The following SLA2 variants were observed in gnomAD, a reference collection of about 807,000 sequenced individuals.
The protein encoded by SLA2 is src-like-adapter 2.
A neutral mutation model predicts 27.3 loss-of-function variants in SLA2; 22 were observed. That is an observed-to-expected ratio of 0.81 (90% CI 0.58 to 1.15). The LOEUF (loss-of-function observed/expected upper bound fraction) is 1.15, where lower values mean the gene tolerates loss of function less well. SLA2 is among the 50% of genes most tolerant of loss of function. The pLI, the probability that SLA2 is intolerant of heterozygous loss-of-function variation, is 0.00. For missense variants in SLA2, 304 were observed against 322.2 expected, an observed-to-expected ratio of 0.94 and a Z score of 0.43; for synonymous variants, 131 against 137.8, an observed-to-expected ratio of 0.95 and a Z score of 0.34.
rs143688648 is a variant in SLA2, at chr20:36,621,170, A to G, written c.383-5796T>C. 3.3e-5 allele frequency: 15 copies of G among 452,734 alleles called. No homozygotes were observed. The East Asian group carries it at 7.4e-4, about 22-fold the overall frequency. The allele number at this position is 452,734 out of a possible 1,614,324, so 28.0% of individuals were successfully genotyped here. ...GGCTGCTGTGGTGGTGGAGCAAGAT[A>G]TGAAAACCAAGGTGGTGGATATGGT... On this transcript the variant is annotated intron_variant, in intron 5 of 7. Coordinates refer to ENST00000262866, the MANE Select transcript of SLA2 (RefSeq NM_032214.4).
Position 36,613,296 on chromosome 20 carries a change from C to T in SLA2, c.*570G>A, listed in dbSNP as rs1317275974. ...GACCTAGACTGTCCGAAGTCTTTCT[C>T]TTTGCTCTGGAGGTCACATAGAGCC... is the stretch of plus-strand genomic sequence containing the variant. On this transcript the variant is annotated 3_prime_UTR_variant, in exon 8 of 8. Coordinates refer to ENST00000262866, the MANE Select transcript of SLA2 (RefSeq NM_032214.4). 6.6e-6 allele frequency: 1 copy of T among 152,432 alleles called. No homozygotes were observed. Among genetic ancestry groups the T allele is most frequent in the South Asian group, 2.1e-4 (1 of 4,842 alleles). 9.4% of individuals were successfully genotyped at this position (152,432 alleles called of 1,614,324 possible).
rs927890059 is a variant in SLA2, at chr20:36,618,963, C to T, written c.383-3589G>A. Among the ~76,000 whole-genome samples, 9 of 146,626 alleles carry T rather than the reference C, an allele frequency of 6.1e-5. 1 individual carries two copies. The highest frequency in any genetic ancestry group is 1.0e-4 in the Non-Finnish European group (7 of 67,072). ...TCTAGAAGCCAGGTTTGGTGGCTCA[C>T]GCCTGTAATCCCAACACTTTGGGAG... On this transcript the variant is annotated intron_variant, in intron 5 of 7. Transcript: ENST00000262866.
intron 5 of SLA2, among the ~76,000 whole-genome samples, chr20:36,618,720 A>G (rs2039243482): frequency 6.6e-6 from 1 of 151,676 alleles, no homozygotes; most frequent in African/African-American, 2.4e-5. Context: ...AGCCTGACCA[A>G]CAAGGCAGCC....
chr20:36,624,866 A>G (rs972808982), intron 5 of SLA2, among the ~76,000 whole-genome samples: 2 of 152,196 alleles, frequency 1.3e-5, no homozygotes, highest in African/African-American at 4.8e-5. Context: ...ACAGGGGAGC[A>G]GGTCACTAGG....
chr20:36,642,587 T>C (rs2039517528), intron 1 of SLA2, among the ~76,000 whole-genome samples: 2 of 151,894 alleles, frequency 1.3e-5, no homozygotes, highest in African/African-American at 4.8e-5. Context: ...AATTTTGTTT[T>C]GTTTTGTTTT....
At chr20:36,634,836 G>C (rs931553699) in intron 2 of SLA2, among the ~76,000 whole-genome samples, 6 of 151,934 alleles carry the variant, frequency 3.9e-5, no homozygotes, top group Non-Finnish European at 8.8e-5. Context: ...TAGTGATAGG[G>C]TCTTGCTCCA....
intron 2 of SLA2, among the ~76,000 whole-genome samples, chr20:36,639,814 C>T (rs1187192567): frequency 2.0e-5 from 3 of 151,630 alleles, no homozygotes; most frequent in Non-Finnish European, 2.9e-5. Flanking sequence ...TCAGCCAAGA[C>T]TGTCCCACTG....
chr20:36,637,165 G>A (rs1453321374), intron 2 of SLA2, among the ~76,000 whole-genome samples: 1 of 146,484 alleles, frequency 6.8e-6, no homozygotes, highest in Non-Finnish European at 1.5e-5. Flanking sequence ...TATTAGTCAA[G>A]ATCTACCTCT....
intron 5 of SLA2, among the ~76,000 whole-genome samples, chr20:36,626,300 G>A (rs1005362069): frequency 6.6e-6 from 1 of 151,950 alleles, no homozygotes; most frequent in African/African-American, 2.4e-5. Flanking sequence ...GCTGAGGCAG[G>A]AGAATTGCTT....
At chr20:36,645,722 C>T (rs1301149643) in intron 1 of SLA2, 115 bp downstream of exon 1, 1 of 152,242 alleles carries the variant, frequency 6.6e-6, no homozygotes, top group Non-Finnish European at 1.5e-5. Context: ...CCCCCTTCTC[C>T]TTGAGCTTGT....
intron 1 of SLA2, among the ~76,000 whole-genome samples, chr20:36,644,556 T>C (rs1978286173): frequency 1.3e-5 from 2 of 152,212 alleles, no homozygotes; most frequent in African/African-American, 4.8e-5. Context: ...CAAAGGCAGA[T>C]GGAGACAGGG....
chr20:36,636,623 A>AATATATAT lies in SLA2; in HGVS notation c.92-2042_92-2035dup, dbSNP rs57962999. ...TCCATCTCAAAAAGAAAAAAAAAAA[A>AATATATAT]ATATATATATATATATATATATATA... On this transcript the variant is annotated intron_variant, in intron 2 of 7. Coordinates refer to ENST00000262866, the MANE Select transcript of SLA2 (RefSeq NM_032214.4). Among the ~76,000 whole-genome samples, 95 of 114,670 alleles carry AATATATAT rather than the reference A, an allele frequency of 8.3e-4. 2 individuals carry two copies. Among genetic ancestry groups the AATATATAT allele is most frequent in the Middle Eastern group, 4.8e-3 (1 of 210 alleles). 75.2% of individuals were successfully genotyped at this position (114,670 alleles called of 152,430 possible). A position where few individuals can be genotyped will look rare whatever the true frequency, so the allele number is the denominator to read the frequency against.
chr20:36,644,877 T>C (rs1003146447), intron 1 of SLA2, among the ~76,000 whole-genome samples: 12 of 149,686 alleles, frequency 8.0e-5, no homozygotes, highest in Admixed American at 1.3e-4. Context: ...TGTTTTTTTT[T>C]TTTTTTTTTT....
At position 36,635,098 on chromosome 20, in the gene SLA2, G is replaced by A. The variant is rs570752005; in HGVS notation, c.92-509C>T. Among the ~76,000 whole-genome samples the A allele has an allele frequency of 5.9e-5, 9 of 152,032 alleles. No homozygotes were observed. The South Asian group carries it at 1.9e-3, about 32-fold the overall frequency. ...GACCATAAGGCCCAATTTCAAGGCT[G>A]GGCATCAGGCGGCAAGGGCACCCTC... is the stretch of plus-strand genomic sequence containing the variant. On this transcript the variant is annotated intron_variant, in intron 2 of 7. Coordinates refer to ENST00000262866, the MANE Select transcript of SLA2 (RefSeq NM_032214.4).
At chr20:36,620,965 G>A in intron 5 of SLA2, 2 of 334,934 alleles carry the variant, frequency 6.0e-6, no homozygotes, top group Admixed American at 3.3e-5. Context: ...TCGTGGAGGT[G>A]GATCTGGCAA....
chr20:36,626,566 G>C (rs1188961542), intron 5 of SLA2, among the ~76,000 whole-genome samples: 2 of 141,510 alleles, frequency 1.4e-5, no homozygotes, highest in Admixed American at 1.4e-4. Context: ...AAAAAAAAAA[G>C]TCTGGGCGCG....
intron 2 of SLA2, among the ~76,000 whole-genome samples, chr20:36,637,623 G>GC (rs2039464718): frequency 1.1e-5 from 1 of 91,288 alleles, no homozygotes; most frequent in African/African-American, 3.4e-5. Context: ...TGTGAAGTTT[G>GC]CTTTTTTTTT....
In SLA2 at chr20:36,633,611, C is replaced by A; in HGVS notation, c.210G>T (p.Thr70=). 2 of 1,613,864 alleles carry A rather than the reference C, an allele frequency of 1.2e-6. No homozygotes were observed. The highest frequency in any genetic ancestry group is 1.7e-6 in the Non-Finnish European group (2 of 1,179,856). ...TIVSEDGDWW[T]VLSEVSGREY... ...CTCTGCCTGAGACTTCAGACAGCAC[C>A]GTCCACCAGTCTCCATCCCTGGAGA... The change falls in exon 4 of 8, where the codon ACG becomes ACT. Residue 70 remains threonine (T), a synonymous_variant. Coordinates refer to ENST00000262866, the MANE Select transcript of SLA2 (RefSeq NM_032214.4).
chr20:36,630,858 T>C (rs891396553), intron 5 of SLA2, among the ~76,000 whole-genome samples: 2 of 152,194 alleles, frequency 1.3e-5, no homozygotes, highest in African/African-American at 4.8e-5. Flanking sequence ...AAGCCCCACA[T>C]GAATGTGCAT....
Sources: gnomAD v4.1 joint callset for allele counts (sites outside exome capture counted in the v4.1 genomes callset) on GRCh38, gnomAD v4.1.1 for gene constraint, MANE v1.5 for transcripts, NCBI Gene and HGNC (gene_info 2026-07-23, HGNC 2026-07-21) for gene names.